DEPDC5: variants seen among roughly 807,000 people sequenced by gnomAD.
DEPDC5 encodes DEP domain containing 5, GATOR1 subcomplex subunit, also known as GATOR1 complex protein DEPDC5.
In DEPDC5, 73 loss-of-function variants were observed where a neutral mutation model predicts 217.3. That is an observed-to-expected ratio of 0.34 (90% confidence interval 0.28 to 0.41). The LOEUF (loss-of-function observed/expected upper bound fraction) is 0.41. Among genes scored for constraint, DEPDC5 ranks in the 10% least tolerant of loss-of-function variants. DEPDC5 has a pLI of 1.00. For synonymous variants in DEPDC5, 733 were observed against 756.7 expected (o/e 0.97, Z 0.51); for missense variants, 1,675 against 2,070.1 (o/e 0.81, Z 3.70).
intron 26 of DEPDC5, 25 bp from the exon 27 acceptor site, chr22:31,838,658 GTA>G (rs2091200676): frequency 6.2e-7 from 1 of 1,611,784 alleles, no homozygotes; most frequent in South Asian, 1.1e-5. Flanking sequence ...CCAAGCATCT[GTA>G]TGAGCAATCA....
intron 31 of DEPDC5, among the ~76,000 whole-genome samples, chr22:31,849,207 A>G (rs140427136): frequency 1.2e-3 from 182 of 152,142 alleles, no homozygotes; most frequent in African/African-American, 3.6e-3. Flanking sequence ...CTGTTACCCA[A>G]TTCCAAAGTC....
At chr22:31,801,848 A>G (rs573761019) in intron 14 of DEPDC5, among the ~76,000 whole-genome samples, 1 of 152,264 alleles carries the variant, frequency 6.6e-6, no homozygotes, top group South Asian at 2.1e-4. Context: ...CTAGAGCATA[A>G]TGTCTTCTAT....
At chr22:31,833,168 T>C (rs75227842) in intron 24 of DEPDC5, among the ~76,000 whole-genome samples, 5,250 of 152,340 alleles carry the variant, frequency 0.034, 147 homozygotes, top group African/African-American at 0.073. Flanking sequence ...CCTTGTGAGC[T>C]ACCATGCTCA....
chr22:31,792,283 G>A (rs1342095383), intron 11 of DEPDC5, among the ~76,000 whole-genome samples, 181 bp downstream of exon 11: 3 of 151,980 alleles, frequency 2.0e-5, no homozygotes, highest in Non-Finnish European at 4.4e-5. Context: ...AGGTCTGTGG[G>A]CTGTGATTCA....
At position 31,837,005 on chromosome 22, in the gene DEPDC5, G is replaced by A. The variant is rs2091055448; in HGVS notation, c.2204G>A (p.Gly735Asp). The change falls in exon 26 of 43, where the codon GGC becomes GAC. Residue 735 changes from glycine (G) to aspartate (D), a missense_variant. This residue lies in a region of DEPDC5 where 136 missense variants were observed against 132.2 expected (regional missense o/e 1.03). Coordinates refer to ENST00000651528, the MANE Select transcript of DEPDC5 (RefSeq NM_001242896.3). Reference protein sequence around the residue: ...LTLSAPPVVPGFCCTVGVDWK... With the variant: ...LTLSAPPVVPDFCCTVGVDWK... The stretch of plus-strand genomic sequence containing the variant: ...CTGTCTGCTCCCCCTGTAGTGCCAG[G>A]CTTCTGTTGCACAGTTGGAGTGGAC... 1 of 1,614,060 alleles carries A rather than the reference G, an allele frequency of 6.2e-7. No homozygotes were observed. Among genetic ancestry groups the A allele is most frequent in the Non-Finnish European group, 8.5e-7 (1 of 1,180,020 alleles).
chr22:31,841,995 A>C (rs1219691232), intron 27 of DEPDC5, among the ~76,000 whole-genome samples: 1 of 152,112 alleles, frequency 6.6e-6, no homozygotes, highest in Non-Finnish European at 1.5e-5. Context: ...CATTTTCTTG[A>C]TTCCTGATTA....
At chr22:31,779,918 C>G (rs932239689) in intron 8 of DEPDC5, among the ~76,000 whole-genome samples, 3 of 152,220 alleles carry the variant, frequency 2.0e-5, no homozygotes, top group Non-Finnish European at 2.9e-5. Context: ...ACCTTCCCAC[C>G]AAGTCAACTT....
intron 33 of DEPDC5, among the ~76,000 whole-genome samples, chr22:31,865,620 A>G (rs1322324990): frequency 6.6e-6 from 1 of 152,200 alleles, no homozygotes; most frequent in African/African-American, 2.4e-5. Context: ...GAGATAGCAA[A>G]TTCCAAGCAC....
intron 39 of DEPDC5, 51 bp downstream of exon 39, chr22:31,893,802 CATG>C: frequency 6.9e-7 from 1 of 1,458,878 alleles, no homozygotes; most frequent in Non-Finnish European, 9.1e-7. Context: ...TCACAGTGGG[CATG>C]GAGATGCTTG....
chr22:31,847,013 T>C, intron 31 of DEPDC5, 46 bp downstream of exon 31: 1 of 1,613,170 alleles, frequency 6.2e-7, no homozygotes, highest in South Asian at 1.1e-5. Flanking sequence ...TTGACAGCCC[T>C]GAGGGTTTTC....
At chr22:31,802,971 T>A (rs544296406) in intron 15 of DEPDC5, 133 bp downstream of exon 15, 11 of 1,191,916 alleles carry the variant, frequency 9.2e-6, no homozygotes, top group Non-Finnish European at 1.2e-5. Flanking sequence ...CGTCTGTGGA[T>A]GTCAATAGGT....
At chr22:31,842,729 G>A (rs532948313) in intron 27 of DEPDC5, among the ~76,000 whole-genome samples, 2 of 152,308 alleles carry the variant, frequency 1.3e-5, no homozygotes, top group African/African-American at 4.8e-5. Flanking sequence ...TGAGAACCTC[G>A]AATGCCAAGG....
chr22:31,792,928 T>A, intron 12 of DEPDC5, 111 bp downstream of exon 12: 1 of 942,278 alleles, frequency 1.1e-6, no homozygotes, highest in Non-Finnish European at 1.4e-6. Context: ...CTACCAAAAA[T>A]ACAAAAAATT....
intron 9 of DEPDC5, 89 bp downstream of exon 9, chr22:31,784,074 C>T: frequency 9.8e-7 from 1 of 1,024,970 alleles, no homozygotes; most frequent in Non-Finnish European, 1.5e-6. Flanking sequence ...GGGTCCCCCA[C>T]ATCATCTTCT....
At chr22:31,765,176 G>T in intron 5 of DEPDC5, 116 bp downstream of exon 5, 4 of 799,056 alleles carry the variant, frequency 5.0e-6, no homozygotes, top group Non-Finnish European at 8.4e-6. Flanking sequence ...TAAATGTGTG[G>T]CCTGCTAGGT....
intron 38 of DEPDC5, among the ~76,000 whole-genome samples, chr22:31,883,376 C>G (rs998132284): frequency 6.6e-6 from 1 of 152,146 alleles, no homozygotes; most frequent in Non-Finnish European, 1.5e-5. Flanking sequence ...AGAGCTGGAG[C>G]TGAGATGTTA....
chr22:31,802,965 T>C, intron 15 of DEPDC5, 127 bp downstream of exon 15: 2 of 1,264,220 alleles, frequency 1.6e-6, no homozygotes, highest in Non-Finnish European at 2.1e-6. Flanking sequence ...TCACAACGTC[T>C]GTGGATGTCA....
At chr22:31,787,727 C>T (rs1042695547) in intron 10 of DEPDC5, among the ~76,000 whole-genome samples, 1 of 151,462 alleles carries the variant, frequency 6.6e-6, no homozygotes, top group Non-Finnish European at 1.5e-5. Context: ...CAAGAGGATC[C>T]CTTGATCACA....
chr22:31,873,558 C>G (rs999582519), intron 35 of DEPDC5, among the ~76,000 whole-genome samples: 1 of 151,634 alleles, frequency 6.6e-6, no homozygotes, highest in Non-Finnish European at 1.5e-5. Flanking sequence ...GTCACCCAGG[C>G]TAGAGTGCGG....
Sources: allele counts gnomAD v4.1 joint callset (sites outside exome capture counted in the v4.1 genomes callset), GRCh38; gene constraint gnomAD v4.1.1; regional missense constraint gnomAD v4.1.1; transcripts MANE v1.5; gene names NCBI Gene and HGNC (gene_info 2026-07-23, HGNC 2026-07-21).